MAN1A2: variants seen among roughly 807,000 people sequenced by gnomAD.
MAN1A2 encodes mannosyl-oligosaccharide 1,2-alpha-mannosidase IB.
MAN1A2 carries 26 observed loss-of-function variants against 75.7 expected under a neutral mutation model. That is an observed-to-expected ratio of 0.34 (90% CI 0.25 to 0.48). The LOEUF is 0.48. MAN1A2 is among the 20% of genes least tolerant of loss of function. The pLI is 0.99. For synonymous variants in MAN1A2, 247 were observed against 264.6 expected (o/e 0.93, Z 0.65); for missense variants, 562 against 775.5 (o/e 0.72, Z 3.27).
chr1:117,460,996 A>G (rs1256508748), intron 7 of MAN1A2, among the ~76,000 whole-genome samples: 1 of 152,196 alleles, frequency 6.6e-6, no homozygotes, highest in Non-Finnish European at 1.5e-5. Flanking sequence ...TAAGATATTA[A>G]GACAGTCTAT....
intron 8 of MAN1A2, among the ~76,000 whole-genome samples, chr1:117,491,408 T>A (rs1303236015): frequency 6.6e-6 from 1 of 152,060 alleles, no homozygotes; most frequent in East Asian, 1.9e-4. Context: ...TGAGAGCACA[T>A]CTGTTGATGG....
chr1:117,493,006 A>G, intron 8 of MAN1A2, 141 bp from the exon 9 acceptor site: 1 of 582,030 alleles, frequency 1.7e-6, no homozygotes, highest in Admixed American at 3.0e-5. Flanking sequence ...ACTAAATTTG[A>G]AGTATGTTGG....
chr1:117,488,849 T>C (rs1650793453), intron 8 of MAN1A2, among the ~76,000 whole-genome samples: 1 of 152,114 alleles, frequency 6.6e-6, no homozygotes, highest in South Asian at 2.1e-4. Flanking sequence ...TTTTTAATTA[T>C]ATAAGTTACA....
At chr1:117,394,822 A>G (rs1553230941) in intron 1 of MAN1A2, among the ~76,000 whole-genome samples, 1 of 152,168 alleles carries the variant, frequency 6.6e-6, no homozygotes, top group Non-Finnish European at 1.5e-5. Flanking sequence ...AAAGTGAAGG[A>G]AGGAGAACAC....
At chr1:117,518,054 A>T (rs902495474) in intron 12 of MAN1A2, among the ~76,000 whole-genome samples, 4 of 151,986 alleles carry the variant, frequency 2.6e-5, no homozygotes, top group African/African-American at 9.7e-5. Flanking sequence ...CAGTTCATGA[A>T]TTTCATAAAA....
At chr1:117,391,877 CTAT>C (rs1653731103) in intron 1 of MAN1A2, among the ~76,000 whole-genome samples, 1 of 152,170 alleles carries the variant, frequency 6.6e-6, no homozygotes, top group Non-Finnish European at 1.5e-5. Flanking sequence ...TGTGAAAAAT[CTAT>C]TATTGTTAAT....
chr1:117,463,571 G>T (rs1376261937), intron 7 of MAN1A2, among the ~76,000 whole-genome samples: 2 of 151,906 alleles, frequency 1.3e-5, no homozygotes, highest in Non-Finnish European at 2.9e-5. Flanking sequence ...CAAAGTTCAG[G>T]TCAGAACTGA....
intron 8 of MAN1A2, among the ~76,000 whole-genome samples, chr1:117,490,610 CT>C (rs1229342032): frequency 6.6e-6 from 1 of 151,832 alleles, no homozygotes; most frequent in Non-Finnish European, 1.5e-5. Flanking sequence ...TTTCAATGGC[CT>C]CTAAATATTC....
chr1:117,404,596 G>A (rs749932214), intron 2 of MAN1A2, among the ~76,000 whole-genome samples: 2 of 152,124 alleles, frequency 1.3e-5, no homozygotes, highest in Admixed American at 6.6e-5. Context: ...TAGACCATCA[G>A]ATTGCAGAAT....
At chr1:117,421,839 G>A (rs145975361) in intron 5 of MAN1A2, among the ~76,000 whole-genome samples, 2 of 152,144 alleles carry the variant, frequency 1.3e-5, no homozygotes, top group East Asian at 3.9e-4. Context: ...ACTTTAGTAT[G>A]TATTAGAATC....
intron 4 of MAN1A2, among the ~76,000 whole-genome samples, chr1:117,417,680 A>T (rs185795553): frequency 1.4e-5 from 2 of 139,690 alleles, no homozygotes; most frequent in East Asian, 2.2e-4. Flanking sequence ...GGTAACTCCA[A>T]AGTAGGCGTG....
chr1:117,419,717 G>A (rs1648124911), intron 4 of MAN1A2, among the ~76,000 whole-genome samples: 1 of 151,782 alleles, frequency 6.6e-6, no homozygotes, highest in Non-Finnish European at 1.5e-5. Flanking sequence ...AATATTTCTA[G>A]CAATATCTAT....
chr1:117,503,046 CTA>C (rs1206174534), intron 12 of MAN1A2, 76 bp downstream of exon 12: 1 of 699,740 alleles, frequency 1.4e-6, no homozygotes, highest in African/African-American at 1.9e-5. Flanking sequence ...TGAATTACAA[CTA>C]TGTGACAGGT....
At chr1:117,466,929 T>G (rs1454804821) in intron 8 of MAN1A2, among the ~76,000 whole-genome samples, 1 of 152,130 alleles carries the variant, frequency 6.6e-6, no homozygotes, top group Non-Finnish European at 1.5e-5. Flanking sequence ...ACATAGGGCT[T>G]GGCCTGAATT....
Position 117,402,385 on chromosome 1 carries a change from C to T in MAN1A2, c.502C>T (p.Arg168Cys), listed in dbSNP as rs1647467354. The T allele has an allele frequency of 3.1e-6, 5 of 1,612,272 alleles. No individual in the cohort carries two copies. The highest frequency in any genetic ancestry group is 2.2e-5 in the South Asian group (2 of 90,802). The change falls in exon 2 of 13, where the codon CGT becomes TGT. Residue 168 changes from arginine (R) to cysteine (C), a missense_variant. Around this residue, in one of 2 missense-constraint regions of MAN1A2, gnomAD observed 434 missense variants for 645.7 expected, o/e 0.67. Transcript: ENST00000356554. Reference sequence around the variant, plus strand: ...CCCTATTCCCAACCTTGTAGGAATACGTGGTGGAGACCCAGAAGATAATGA... The same window carrying T: ...CCCTATTCCCAACCTTGTAGGAATATGTGGTGGAGACCCAGAAGATAATGA... Reference protein sequence around the residue: ...PVPIPNLVGIRGGDPEDNDIR... With the variant: ...PVPIPNLVGICGGDPEDNDIR...
chr1:117,444,931 T>C (rs932104631), intron 6 of MAN1A2, among the ~76,000 whole-genome samples: 1 of 152,180 alleles, frequency 6.6e-6, no homozygotes, highest in Non-Finnish European at 1.5e-5. Flanking sequence ...CCATAAAAGC[T>C]TTGAAATACT....
rs140264006 is a variant in MAN1A2, at chr1:117,402,357, A to G, written c.474A>G (p.Pro158=). The part of the protein sequence containing the change: ...MKIKENKPLP[P]VPIPNLVGIR... Reference sequence around the variant, plus strand: ...TAAAAGAGAACAAGCCACTGCCACCAGTCCCTATTCCCAACCTTGTAGGAA... The same window carrying G: ...TAAAAGAGAACAAGCCACTGCCACCGGTCCCTATTCCCAACCTTGTAGGAA... Residue 158 remains proline (P), a synonymous_variant, in exon 2 of 13, where the codon CCA becomes CCG. Coordinates refer to ENST00000356554, the MANE Select transcript of MAN1A2 (RefSeq NM_006699.5). The G allele has an allele frequency of 8.5e-5, 137 of 1,613,868 alleles. 1 individual carries two copies. The Middle Eastern group carries it at 3.1e-3, about 37-fold the overall frequency.
At chr1:117,402,147 A>C (rs760074745) in intron 1 of MAN1A2, 39 bp from the exon 2 acceptor site, 2 of 1,564,082 alleles carry the variant, frequency 1.3e-6, no homozygotes, top group South Asian at 2.4e-5. Context: ...ATTCTTAAGT[A>C]GGCTCACTGT....
At chr1:117,451,756 G>A (rs776316344) in intron 6 of MAN1A2, among the ~76,000 whole-genome samples, 3 of 152,164 alleles carry the variant, frequency 2.0e-5, no homozygotes, top group South Asian at 2.1e-4. Context: ...CCCCAGCCAC[G>A]TGGAACTGTA....
Sources: gnomAD v4.1 joint callset for allele counts (sites outside exome capture counted in the v4.1 genomes callset) on GRCh38, gnomAD v4.1.1 for gene constraint, gnomAD v4.1.1 regional missense constraint, MANE v1.5 for transcripts, NCBI Gene and HGNC (gene_info 2026-07-23, HGNC 2026-07-21) for gene names.